The following PAK5 variants were observed in gnomAD, a reference collection of about 807,000 sequenced individuals.
The protein encoded by PAK5 is p21 (RAC1) activated kinase 5.
In PAK5, 16 loss-of-function variants were observed where a neutral mutation model predicts 65.9. The observed-to-expected ratio is 0.24, with a 90% CI of 0.16 to 0.37. PAK5 has a LOEUF of 0.37. PAK5 is among the 10% of genes least tolerant of loss of function. The probability of loss-of-function intolerance (pLI) is 1.00; values close to 1 mark genes in which losing one functional copy is unlikely to be tolerated. For missense variants in PAK5, 785 were observed against 903.9 expected (o/e 0.87, Z 1.69); for synonymous variants, 371 against 354.9 (o/e 1.05, Z -0.51).
rs111616957 is a variant in PAK5 at position 9,740,116 on chromosome 20, T to C, written c.-161-28681A>G. 4.0e-3 allele frequency among the ~76,000 whole-genome samples: 610 copies of C among 152,284 alleles called. 2 individuals carry two copies. The highest frequency in any genetic ancestry group is 0.013 in the African/African-American group (540 of 41,564). On this transcript the variant is annotated intron_variant, in intron 1 of 9. Coordinates refer to ENST00000353224, the MANE Select transcript of PAK5 (RefSeq NM_177990.4). ...GGGAAAAGGAATTAAAAGCGTTCTT[T>C]GGTGGAAAAATGTCGGAGCCACTAC...
chr20:9,693,172 T>C (rs550706588), intron 2 of PAK5, among the ~76,000 whole-genome samples: 3 of 152,186 alleles, frequency 2.0e-5, no homozygotes, highest in South Asian at 4.1e-4. Flanking sequence ...GAGAATACAA[T>C]TGATCCTTTG....
intron 3 of PAK5, among the ~76,000 whole-genome samples, chr20:9,586,210 G>A (rs1370832951): frequency 6.6e-6 from 1 of 152,120 alleles, no homozygotes; most frequent in African/African-American, 2.4e-5. Flanking sequence ...ATGGGGGGTA[G>A]ACTGTTAGTG....
rs570450485 is a variant in PAK5, at chr20:9,754,367, G to C, written c.-161-42932C>G. ...AGGGGGCCAGGGAGTGGAGAGTACT[G>C]ATTGGTCGGGTCAGAGATGAAATTA... is the stretch of plus-strand genomic sequence containing the variant. On this transcript the variant is annotated intron_variant, in intron 1 of 9. Coordinates refer to ENST00000353224, the MANE Select transcript of PAK5 (RefSeq NM_177990.4). Among the ~76,000 whole-genome samples the C allele has an allele frequency of 7.9e-5, 12 of 152,218 alleles. No individual in the cohort carries two copies. The South Asian group carries it at 2.5e-3, about 32-fold the overall frequency.
At chr20:9,634,549 G>C (rs913345449) in intron 3 of PAK5, among the ~76,000 whole-genome samples, 3 of 152,178 alleles carry the variant, frequency 2.0e-5, no homozygotes, top group African/African-American at 7.2e-5. Context: ...CTTTTAAAGG[G>C]TGTGAGAAAG....
chr20:9,542,798 C>G, intron 8 of PAK5, 78 bp from the exon 9 acceptor site: 1 of 1,289,368 alleles, frequency 7.8e-7, no homozygotes, highest in Non-Finnish European at 1.1e-6. Flanking sequence ...GAACCTCATA[C>G]TCATTCACAA....
intron 1 of PAK5, among the ~76,000 whole-genome samples, chr20:9,763,327 G>T (rs2048721359): frequency 6.6e-6 from 1 of 152,026 alleles, no homozygotes; most frequent in Admixed American, 6.6e-5. Flanking sequence ...ACTTTGGGAG[G>T]TGATGGATAT....
At chr20:9,760,721 G>T (rs1448822591) in intron 1 of PAK5, among the ~76,000 whole-genome samples, 1 of 140,076 alleles carries the variant, frequency 7.1e-6, no homozygotes, top group Non-Finnish European at 1.5e-5. Context: ...ACTCAGGCTG[G>T]AGTGCCGTGG....
At chr20:9,667,150 A>G (rs2047431084) in intron 2 of PAK5, among the ~76,000 whole-genome samples, 1 of 152,056 alleles carries the variant, frequency 6.6e-6, no homozygotes, top group Non-Finnish European at 1.5e-5. Flanking sequence ...GGTGGTGTGC[A>G]CCTGTAATCC....
intron 1 of PAK5, among the ~76,000 whole-genome samples, chr20:9,828,432 C>T (rs1471871910): frequency 6.6e-6 from 1 of 152,104 alleles, no homozygotes; most frequent in African/African-American, 2.4e-5. Context: ...TTAAATCCCC[C>T]TCCTCCGTCA....
intron 1 of PAK5, among the ~76,000 whole-genome samples, chr20:9,766,283 A>AATATATATATATTCTAC (rs778478384): frequency 0.14 from 9,480 of 66,884 alleles, 2,377 homozygotes; most frequent in African/African-American, 0.33. Flanking sequence ...ATATATTCTA[A>AATATATATATATTCTAC]TTGAATATAT....
At position 9,806,920 on chromosome 20, in the gene PAK5, T is replaced by C. The variant is rs141358583; in HGVS notation, c.-162+31842A>G. 1.1e-3 allele frequency among the ~76,000 whole-genome samples: 166 copies of C among 152,284 alleles called. 1 individual carries two copies. Among genetic ancestry groups the C allele is most frequent in the African/African-American group, 3.6e-3 (150 of 41,566 alleles). On this transcript the variant is annotated intron_variant, in intron 1 of 9. Coordinates refer to ENST00000353224, the MANE Select transcript of PAK5 (RefSeq NM_177990.4). The stretch of plus-strand genomic sequence containing the variant: ...ATGTATTGGCAGAGCTGGTTCTTTC[T>C]GAGGGCCCAAGGACAGAATCCATTT...
chr20:9,789,467 T>C (rs967763173), intron 1 of PAK5, among the ~76,000 whole-genome samples: 4 of 152,030 alleles, frequency 2.6e-5, no homozygotes, highest in African/African-American at 9.7e-5. Flanking sequence ...ATTATTTCAA[T>C]GAAAAAAAAA....
At position 9,657,302 on chromosome 20, in the gene PAK5, C is replaced by A. The variant is rs537485738; in HGVS notation, c.-11-12963G>T. On this transcript the variant is annotated intron_variant, in intron 2 of 9. Transcript: ENST00000353224. Reference sequence around the variant, plus strand: ...TCAGCACGAGGCCCTAGCACTCCATCCACGTTGTTCCATGTATCAATAGTT... The same window carrying A: ...TCAGCACGAGGCCCTAGCACTCCATACACGTTGTTCCATGTATCAATAGTT... Among the ~76,000 whole-genome samples the A allele has an allele frequency of 2.6e-5, 4 of 152,290 alleles. No homozygotes were observed. In the South Asian group the frequency reaches 6.2e-4, roughly 24 times the overall value.
chr20:9,760,673 C>CTTTTTTT lies in PAK5; in HGVS notation c.-161-49245_-161-49239dup, dbSNP rs5840332. ...ACATTTATCTTTTTTCTTTTCTTTT[C>CTTTTTTT]TTTTTTTTTTTTTTTTTAGACAGAG... On this transcript the variant is annotated intron_variant, in intron 1 of 9. Transcript: ENST00000353224. Among the ~76,000 whole-genome samples the CTTTTTTT allele has an allele frequency of 7.6e-4, 93 of 122,708 alleles. 1 individual carries two copies. Among genetic ancestry groups the CTTTTTTT allele is most frequent in the Admixed American group, 1.3e-3 (14 of 11,100 alleles). The allele number at this position is 122,708 out of a possible 152,430, so 80.5% of individuals were successfully genotyped here.
At chr20:9,665,085 G>GTTTTTTTTTGT (rs1555910637) in intron 2 of PAK5, among the ~76,000 whole-genome samples, 2 of 98,920 alleles carry the variant, frequency 2.0e-5, no homozygotes, top group African/African-American at 8.1e-5. Context: ...AAATTTTTCT[G>GTTTTTTTTTGT]TTTTTTTTTT....
intron 3 of PAK5, among the ~76,000 whole-genome samples, chr20:9,593,820 C>T (rs1287416794): frequency 6.6e-6 from 1 of 152,092 alleles, no homozygotes; most frequent in Non-Finnish European, 1.5e-5. Flanking sequence ...CTCTCTCTCT[C>T]TCTCTTTCTC....
At chr20:9,799,373 T>C (rs2049141735) in intron 1 of PAK5, among the ~76,000 whole-genome samples, 1 of 152,182 alleles carries the variant, frequency 6.6e-6, no homozygotes, top group South Asian at 2.1e-4. Context: ...TGAACTTATG[T>C]CCCTAAAATG....
chr20:9,582,322 A>C (rs2123026293), intron 3 of PAK5, among the ~76,000 whole-genome samples: 2 of 151,972 alleles, frequency 1.3e-5, no homozygotes, highest in Middle Eastern at 6.8e-3. Flanking sequence ...GATTTTCCTT[A>C]TTTTTTGATG....
intron 1 of PAK5, among the ~76,000 whole-genome samples, chr20:9,827,793 G>A (rs1978382761): frequency 6.7e-6 from 1 of 150,144 alleles, no homozygotes; most frequent in African/African-American, 2.4e-5. Flanking sequence ...ACAGGGAAGG[G>A]GGCACATGCA....
Sources: gnomAD v4.1 joint callset for allele counts (sites outside exome capture counted in the v4.1 genomes callset) on GRCh38, gnomAD v4.1.1 for gene constraint, MANE v1.5 for transcripts, NCBI Gene and HGNC (gene_info 2026-07-23, HGNC 2026-07-21) for gene names.